B3GNT2: variants seen among roughly 807,000 people sequenced by gnomAD.
B3GNT2 encodes UDP-GlcNAc:betaGal beta-1,3-N-acetylglucosaminyltransferase 2, also known as N-acetyllactosaminide beta-1,3-N-acetylglucosaminyltransferase 2.
In B3GNT2, 12 loss-of-function variants were observed where a neutral mutation model predicts 27.6. That is an observed-to-expected ratio of 0.44 (90% CI 0.28 to 0.71). B3GNT2 has a LOEUF of 0.71. Ranked by LOEUF, B3GNT2 falls within the 30% of genes least tolerant of loss-of-function variation. The pLI is 0.17. For missense variants in B3GNT2, 413 were observed against 488.5 expected (o/e 0.85, Z 1.46); for synonymous variants, 192 against 189.7 (o/e 1.01, Z -0.10).
intron 1 of B3GNT2, among the ~76,000 whole-genome samples, chr2:62,213,455 C>G (rs938720967): frequency 2.6e-5 from 4 of 152,112 alleles, no homozygotes; most frequent in African/African-American, 9.7e-5. Context: ...GGTAGAGATG[C>G]CCCATTTTGG....
At chr2:62,220,028 C>G (rs775205058) in intron 1 of B3GNT2, among the ~76,000 whole-genome samples, 1 of 152,204 alleles carries the variant, frequency 6.6e-6, no homozygotes, top group African/African-American at 2.4e-5. Context: ...GATCTTGTGG[C>G]CTCTGGCCAC....
chr2:62,207,326 T>G (rs1209582302), intron 1 of B3GNT2, among the ~76,000 whole-genome samples: 1 of 152,110 alleles, frequency 6.6e-6, no homozygotes, highest in Non-Finnish European at 1.5e-5. Flanking sequence ...ACAACACACA[T>G]GCTACAGGCC....
At chr2:62,204,932 G>A (rs1013429539) in intron 1 of B3GNT2, among the ~76,000 whole-genome samples, 1 of 152,146 alleles carries the variant, frequency 6.6e-6, no homozygotes, top group African/African-American at 2.4e-5. Context: ...CCCCACTCAC[G>A]ACTAGGGGCC....
At chr2:62,197,019 G>C (rs1674159929) in intron 1 of B3GNT2, among the ~76,000 whole-genome samples, 1 of 151,488 alleles carries the variant, frequency 6.6e-6, no homozygotes, top group East Asian at 2.0e-4. Context: ...AAAACCTTTC[G>C]CTTTGACCTT....
chr2:62,216,042 C>T (rs1457451842), intron 1 of B3GNT2, among the ~76,000 whole-genome samples: 1 of 152,134 alleles, frequency 6.6e-6, no homozygotes, highest in African/African-American at 2.4e-5. Context: ...ATCTTTTTAG[C>T]TTGCCTGAGC....
In B3GNT2 at chr2:62,223,662, A is replaced by G; in HGVS notation, c.*248A>G. The G allele has an allele frequency of 2.7e-6, 1 of 374,078 alleles. No individual in the cohort carries two copies. Among genetic ancestry groups the G allele is most frequent in the Non-Finnish European group, 5.0e-6 (1 of 199,350 alleles). The allele number at this position is 374,078 out of a possible 1,614,324, so 23.2% of individuals were successfully genotyped here. On this transcript the variant is annotated 3_prime_UTR_variant, in exon 2 of 2. Coordinates refer to ENST00000301998, the MANE Select transcript of B3GNT2 (RefSeq NM_006577.6). ...ATCTTACCGGCTAGTGGTCATTTTT[A>G]AAAAACTTGTACCCTCTTATCTGAA...
rs1177433739 is a variant in B3GNT2, at chr2:62,224,390, T to C, written c.*976T>C. On this transcript the variant is annotated 3_prime_UTR_variant, in exon 2 of 2. Coordinates refer to ENST00000301998, the MANE Select transcript of B3GNT2 (RefSeq NM_006577.6). ...CCCTGTCTATGTAGAAGTGCCTGTG[T>C]TTTTATTTATTGTTCAGATCAAAGA... 1 of 167,084 alleles carries C rather than the reference T, an allele frequency of 6.0e-6. No homozygotes were observed. Among genetic ancestry groups the C allele is most frequent in the Non-Finnish European group, 1.5e-5 (1 of 68,116 alleles). 10.4% of individuals were successfully genotyped at this position (167,084 alleles called of 1,614,324 possible).
At chr2:62,221,449 C>T (rs968386069) in intron 1 of B3GNT2, among the ~76,000 whole-genome samples, 5 of 152,160 alleles carry the variant, frequency 3.3e-5, no homozygotes, top group South Asian at 4.1e-4. Context: ...CTTAATCTCT[C>T]TGCTTTGGTT....
At chr2:62,201,556 C>T (rs937058502) in intron 1 of B3GNT2, among the ~76,000 whole-genome samples, 6 of 152,212 alleles carry the variant, frequency 3.9e-5, no homozygotes, top group Non-Finnish European at 8.8e-5. Context: ...ACCGTGTAAG[C>T]GGTATTACAT....
chr2:62,205,340 G>A (rs953338783), intron 1 of B3GNT2, among the ~76,000 whole-genome samples: 2 of 152,174 alleles, frequency 1.3e-5, no homozygotes, highest in African/African-American at 4.8e-5. Flanking sequence ...CTTTAAATAC[G>A]GAAGCAAGTC....
At chr2:62,196,632 C>A (rs1674148318) in intron 1 of B3GNT2, among the ~76,000 whole-genome samples, 1 of 152,222 alleles carries the variant, frequency 6.6e-6, no homozygotes, top group Non-Finnish European at 1.5e-5. Flanking sequence ...AGGGACACCG[C>A]CCGCTGCGGG....
At position 62,222,134 on chromosome 2, in the gene B3GNT2, G is replaced by T; in HGVS notation, c.-9-78G>T. 1.6e-6 allele frequency: 2 copies of T among 1,271,928 alleles called. No individual in the cohort carries two copies. Among genetic ancestry groups the T allele is most frequent in the Non-Finnish European group, 1.1e-6 (1 of 919,860 alleles). 78.8% of individuals were successfully genotyped at this position (1,271,928 alleles called of 1,614,324 possible). ...CTTTGCTGTAAACCACTATTCCTGG[G>T]GAGACAGGTAAAATAAATTGTATGT... On this transcript the variant is annotated intron_variant, in intron 1 of 1. Transcript: ENST00000301998. The surrounding 1 kb of genome is among the most constrained non-coding windows in gnomAD (Gnocchi z 4.2).
intron 1 of B3GNT2, among the ~76,000 whole-genome samples, chr2:62,202,690 T>C (rs180717112): frequency 1.3e-5 from 2 of 152,296 alleles, no homozygotes; most frequent in Admixed American, 1.3e-4. Context: ...CTGCTTCCCA[T>C]TTGCCCCCTA....
chr2:62,203,273 C>T (rs1674305835), intron 1 of B3GNT2, among the ~76,000 whole-genome samples: 1 of 152,060 alleles, frequency 6.6e-6, no homozygotes, highest in Non-Finnish European at 1.5e-5. Flanking sequence ...AGAAAGACTC[C>T]TGGTGGGTGT....
At position 62,223,063 on chromosome 2, in the gene B3GNT2, T is replaced by A; in HGVS notation, c.843T>A (p.Pro281=). 6.2e-7 allele frequency: 1 copy of A among 1,614,218 alleles called. No individual in the cohort carries two copies. The highest frequency in any genetic ancestry group is 8.5e-7 in the Non-Finnish European group (1 of 1,180,028). The change falls in exon 2 of 2, where the codon CCT becomes CCA. Residue 281 remains proline, a synonymous_variant. Transcript: ENST00000301998. The part of the protein sequence containing the change: ...FIGDVIHNAG[P]HRDKKLKYYI... ...GTGATGTGATCCACAATGCTGGACC[T>A]CATCGGGATAAGAAGCTGAAGTACT... is the stretch of plus-strand genomic sequence containing the variant.
At chr2:62,198,967 G>A (rs755890894) in intron 1 of B3GNT2, among the ~76,000 whole-genome samples, 1 of 151,792 alleles carries the variant, frequency 6.6e-6, no homozygotes, top group African/African-American at 2.4e-5. Context: ...TTGAAATGGA[G>A]TCTCACTCTC....
At chr2:62,218,101 CTT>C (rs1674609944) in intron 1 of B3GNT2, among the ~76,000 whole-genome samples, 2 of 152,208 alleles carry the variant, frequency 1.3e-5, no homozygotes, top group Non-Finnish European at 2.9e-5. Flanking sequence ...CGCAATGTAA[CTT>C]CCTGCTGAAG....
intron 1 of B3GNT2, among the ~76,000 whole-genome samples, chr2:62,220,448 T>C (rs1057103600): frequency 6.6e-6 from 1 of 152,240 alleles, no homozygotes; most frequent in Admixed American, 6.5e-5. Flanking sequence ...CTCTCTAATA[T>C]GTAATAGTTT....
At chr2:62,207,197 T>TA (rs902770653) in intron 1 of B3GNT2, among the ~76,000 whole-genome samples, 33 of 152,178 alleles carry the variant, frequency 2.2e-4, no homozygotes, top group African/African-American at 7.5e-4. Context: ...TTTTTTTTTT[T>TA]AAGACAGGGT....
Sources: allele counts gnomAD v4.1 joint callset (sites outside exome capture counted in the v4.1 genomes callset), GRCh38; gene constraint gnomAD v4.1.1; non-coding constraint Gnocchi (gnomAD v3.1); transcripts MANE v1.5; gene names NCBI Gene and HGNC (gene_info 2026-07-23, HGNC 2026-07-21).